Variants in PPP2R3A observed in about 807,000 individuals in gnomAD.
The protein encoded by PPP2R3A is protein phosphatase 2 regulatory subunit B''alpha, also known as serine/threonine-protein phosphatase 2A regulatory subunit B'' subunit alpha.
PPP2R3A carries 80 observed loss-of-function variants against 106.9 expected under a neutral mutation model. The observed-to-expected ratio is 0.75, with a 90% CI of 0.62 to 0.90. PPP2R3A has a LOEUF of 0.90. Among genes scored for constraint, PPP2R3A ranks in the 40% least tolerant of loss-of-function variants. PPP2R3A has a pLI of 0.00. For synonymous variants in PPP2R3A, 483 were observed against 468.3 expected, an observed-to-expected ratio of 1.03 and a Z score of -0.41; for missense variants, 1,386 against 1,350.4, an observed-to-expected ratio of 1.03 and a Z score of -0.41.
At chr3:136,054,253 CTTTTTTTT>C (rs35801926) in intron 5 of PPP2R3A, among the ~76,000 whole-genome samples, 2 of 80,728 alleles carry the variant, frequency 2.5e-5, no homozygotes, top group African/African-American at 1.1e-4. Context: ...CTTCACAATT[CTTTTTTTT>C]TTTTTTTTTT....
intron 12 of PPP2R3A, 88 bp from the exon 13 acceptor site, chr3:136,106,128 T>C (rs1937511566): frequency 5.6e-6 from 6 of 1,068,188 alleles, no homozygotes; most frequent in Non-Finnish European, 6.9e-6. Flanking sequence ...TAGGATTTTT[T>C]CAGCAGTATA....
chr3:136,005,656 A>G (rs1253039152), intron 2 of PPP2R3A, among the ~76,000 whole-genome samples: 1 of 152,178 alleles, frequency 6.6e-6, no homozygotes. Context: ...GACACATTGC[A>G]GTACACAGGC....
intron 13 of PPP2R3A, among the ~76,000 whole-genome samples, chr3:136,118,898 A>G (rs544020094): frequency 6.6e-6 from 1 of 152,348 alleles, no homozygotes; most frequent in South Asian, 2.1e-4. Flanking sequence ...ACCAAAAAAG[A>G]GCCCACATTG....
At chr3:135,967,005 T>A (rs1475793097) in intron 1 of PPP2R3A, among the ~76,000 whole-genome samples, 1 of 152,162 alleles carries the variant, frequency 6.6e-6, no homozygotes, top group East Asian at 1.9e-4. Flanking sequence ...TGTTGTTTTT[T>A]TTTCTTGGTG....
chr3:135,973,499 C>G (rs78597802), intron 1 of PPP2R3A, among the ~76,000 whole-genome samples: 1,687 of 152,234 alleles, frequency 0.011, 35 homozygotes, highest in African/African-American at 0.039. Flanking sequence ...CACAGGGCCC[C>G]AGATGCAAGA....
intron 4 of PPP2R3A, among the ~76,000 whole-genome samples, chr3:136,044,434 C>T (rs563505442): frequency 6.6e-6 from 1 of 151,934 alleles, no homozygotes; most frequent in African/African-American, 2.4e-5. Context: ...AAGAGTTACA[C>T]CAAGCCATGT....
At chr3:136,069,798 A>G (rs529898650) in intron 5 of PPP2R3A, among the ~76,000 whole-genome samples, 1 of 152,194 alleles carries the variant, frequency 6.6e-6, no homozygotes, top group African/African-American at 2.4e-5. Context: ...GATTATCTCT[A>G]TTAGATCCTC....
chr3:136,092,311 CAA>C (rs1220828701), intron 10 of PPP2R3A, among the ~76,000 whole-genome samples: 2 of 152,014 alleles, frequency 1.3e-5, no homozygotes, highest in Non-Finnish European at 1.5e-5. Flanking sequence ...GCCTGGGTGA[CAA>C]GAGCAAAACT....
intron 2 of PPP2R3A, among the ~76,000 whole-genome samples, chr3:136,024,902 G>A (rs1425254854): frequency 2.0e-5 from 3 of 152,102 alleles, no homozygotes; most frequent in Admixed American, 6.6e-5. Flanking sequence ...ATTGACTTAC[G>A]GGACTGTGTA....
Position 136,037,201 on chromosome 3 carries a change from G to C in PPP2R3A, c.2263-3658G>C, listed in dbSNP as rs569668592. 7.9e-5 allele frequency among the ~76,000 whole-genome samples: 12 copies of C among 152,328 alleles called. 1 individual carries two copies. The South Asian group carries it at 2.5e-3, about 32-fold the overall frequency. ...AGTGCCTAGAAAACTCTGTGTTTAT[G>C]GAATCTGCATCTGTTGGTGAAGTTT... On this transcript the variant is annotated intron_variant, in intron 3 of 13. Transcript: ENST00000264977.
Position 135,987,330 on chromosome 3 carries a change from CT to C in PPP2R3A, c.-440-13728del, listed in dbSNP as rs112763735. On this transcript the variant is annotated intron_variant, in intron 1 of 13. Coordinates refer to ENST00000264977, the MANE Select transcript of PPP2R3A (RefSeq NM_002718.5). ...TGTGCTGGTTTCCTGATCCCAAGTT[CT>C]CCTAGGGCAATATGAAGAGGCCAGA... Among the ~76,000 whole-genome samples the C allele has an allele frequency of 8.5e-5, 13 of 152,234 alleles. 1 individual carries two copies. The highest frequency in any genetic ancestry group is 2.9e-4 in the African/African-American group (12 of 41,542).
intron 13 of PPP2R3A, among the ~76,000 whole-genome samples, chr3:136,140,453 A>AAACAAAAAAC (rs1433728165): frequency 6.7e-6 from 1 of 149,762 alleles, no homozygotes; most frequent in African/African-American, 2.5e-5. Context: ...AAAAAAAAAA[A>AAACAAAAAAC]AAAAAAAAAA....
intron 13 of PPP2R3A, among the ~76,000 whole-genome samples, chr3:136,108,873 A>C (rs550703078): frequency 6.6e-6 from 1 of 152,338 alleles, no homozygotes; most frequent in African/African-American, 2.4e-5. Context: ...CCAAGATGGT[A>C]TTCAAGCATA....
chr3:136,119,488 A>G (rs376114118), intron 13 of PPP2R3A, among the ~76,000 whole-genome samples: 2 of 152,206 alleles, frequency 1.3e-5, no homozygotes, highest in African/African-American at 2.4e-5. Flanking sequence ...CTAATATCCA[A>G]AATCTACAAA....
At chr3:135,968,342 T>C (rs1937149069) in intron 1 of PPP2R3A, among the ~76,000 whole-genome samples, 1 of 152,176 alleles carries the variant, frequency 6.6e-6, no homozygotes, top group Non-Finnish European at 1.5e-5. Flanking sequence ...ACAGATGTCC[T>C]GATGTAGTTT....
chr3:136,095,011 A>G (rs1270312741), intron 10 of PPP2R3A, among the ~76,000 whole-genome samples: 1 of 152,234 alleles, frequency 6.6e-6, no homozygotes, highest in East Asian at 1.9e-4. Context: ...TCCCTCTTCC[A>G]GAATCTGCAG....
chr3:136,102,319 C>T, intron 11 of PPP2R3A, 137 bp downstream of exon 11: 4 of 723,054 alleles, frequency 5.5e-6, no homozygotes, highest in African/African-American at 1.9e-5. Flanking sequence ...TTTAAAGTTT[C>T]TCCTTGACTA....
At chr3:136,068,932 T>C (rs1292431755) in intron 5 of PPP2R3A, among the ~76,000 whole-genome samples, 19 of 152,256 alleles carry the variant, frequency 1.2e-4, no homozygotes, top group African/African-American at 4.6e-4. Flanking sequence ...CAAAAATGTG[T>C]AACCTTAATC....
At position 136,143,287 on chromosome 3, in the gene PPP2R3A, A is replaced by C. The variant is rs148603886; in HGVS notation, c.3330-1756A>C. ...GTGGATCACCTGAGGTCAGGAGTTG[A>C]AGACCAGCCTGGCCAACATGGCGAA... On this transcript the variant is annotated intron_variant, in intron 13 of 13. Transcript: ENST00000264977. Among the ~76,000 whole-genome samples the C allele has an allele frequency of 4.3e-4, 66 of 152,244 alleles. No individual in the cohort carries two copies. The East Asian group carries it at 0.011, about 26-fold the overall frequency.
Sources: allele counts gnomAD v4.1 joint callset (sites outside exome capture counted in the v4.1 genomes callset), GRCh38; gene constraint gnomAD v4.1.1; transcripts MANE v1.5; gene names NCBI Gene and HGNC (gene_info 2026-07-23, HGNC 2026-07-21).